KALRN: variants seen among roughly 807,000 people sequenced by gnomAD.
The protein encoded by KALRN is kalirin.
In KALRN, 70 loss-of-function variants were observed where a neutral mutation model predicts 353.7. That is an observed-to-expected ratio of 0.20 (90% CI 0.16 to 0.24). KALRN has a LOEUF of 0.24. Ranked by LOEUF, KALRN falls within the 10% of genes least tolerant of loss-of-function variation. The pLI, the probability that KALRN is intolerant of heterozygous loss-of-function variation, is 1.00. For synonymous variants in KALRN, 1,391 were observed against 1,434.8 expected (o/e 0.97, Z 0.69); for missense variants, 2,791 against 3,756.7 (o/e 0.74, Z 6.72).
intron 13 of KALRN, among the ~76,000 whole-genome samples, chr3:124,403,913 T>C (rs1251267510): frequency 2.0e-5 from 3 of 152,124 alleles, no homozygotes; most frequent in African/African-American, 7.2e-5. Flanking sequence ...GGCAGATGCT[T>C]AGCCCAGTCA....
chr3:124,264,699 G>C lies in KALRN; in HGVS notation c.456+9G>C, dbSNP rs183508128. 6.2e-7 allele frequency: 1 copy of C among 1,612,198 alleles called. No individual in the cohort carries two copies. The highest frequency in any genetic ancestry group is 8.5e-7 in the Non-Finnish European group (1 of 1,178,246). On this transcript the variant is annotated intron_variant, in intron 4 of 59. Coordinates refer to ENST00000682506, the MANE Select transcript of KALRN (RefSeq NM_001388419.1). Reference sequence around the variant, plus strand: ...CCAAATTCATCTTTGAGGTGAGCCAGATTTCTCTCTCTTAGCATCTTCTTT... The same window carrying C: ...CCAAATTCATCTTTGAGGTGAGCCACATTTCTCTCTCTTAGCATCTTCTTT...
intron 27 of KALRN, among the ~76,000 whole-genome samples, chr3:124,480,225 G>A (rs1273824052): frequency 6.6e-6 from 1 of 152,204 alleles, no homozygotes; most frequent in African/African-American, 2.4e-5. Context: ...TCAGTTGCCT[G>A]AAGAGAGTCA....
chr3:124,491,066 G>A (rs41264655), intron 30 of KALRN, among the ~76,000 whole-genome samples, 182 bp downstream of exon 30: 17,295 of 152,146 alleles, frequency 0.11, 1,188 homozygotes, highest in Non-Finnish European at 0.16. Flanking sequence ...GCATTGTAGA[G>A]TTCACAGTTC....
chr3:124,682,861 GA>G (rs1011966324), intron 51 of KALRN, among the ~76,000 whole-genome samples: 27 of 152,112 alleles, frequency 1.8e-4, no homozygotes, highest in Non-Finnish European at 1.5e-4. Flanking sequence ...CCCTGCTTGT[GA>G]ATGTTTTCAA....
chr3:124,415,969 G>A (rs943214494), intron 14 of KALRN, among the ~76,000 whole-genome samples: 2 of 152,190 alleles, frequency 1.3e-5, no homozygotes, highest in Non-Finnish European at 2.9e-5. Context: ...AGGGAAGTAG[G>A]GGAAACTGTA....
rs146706912 is a variant in KALRN at position 124,298,866 on chromosome 3, G to A, written c.1045G>A (p.Ala349Thr). The A allele has an allele frequency of 5.9e-4, 957 of 1,614,174 alleles. 1 individual carries two copies. The highest frequency in any genetic ancestry group is 7.6e-4 in the Non-Finnish European group (891 of 1,180,012). ...HTEIGVSYQY[A>T]LDLQTQHNHF... ...GGAGATCGGAGTCAGCTACCAGTACGCCCTTGACCTCCAGACGCAGCACAA... is the reference window on the plus strand; with the variant it reads ...GGAGATCGGAGTCAGCTACCAGTACACCCTTGACCTCCAGACGCAGCACAA... The change falls in exon 6 of 60, where the codon GCC (alanine) becomes ACC (threonine). Residue 349 changes from alanine (A) to threonine (T), a missense_variant. Transcript: ENST00000682506.
intron 56 of KALRN, among the ~76,000 whole-genome samples, chr3:124,700,239 A>T (rs1159238702): frequency 1.3e-5 from 2 of 152,242 alleles, no homozygotes; most frequent in Non-Finnish European, 2.9e-5. Context: ...TGCACCTGCC[A>T]AGTTCCCTGG....
intron 28 of KALRN, among the ~76,000 whole-genome samples, chr3:124,486,705 T>C (rs369558678): frequency 7.9e-5 from 12 of 152,206 alleles, no homozygotes; most frequent in African/African-American, 2.9e-4. Context: ...GGACCACCAG[T>C]GCAGCTCCAA....
At chr3:124,268,504 G>T in intron 4 of KALRN, 1 of 545,322 alleles carries the variant, frequency 1.8e-6, no homozygotes, top group Non-Finnish European at 3.3e-6. Flanking sequence ...GTTCTTCTGG[G>T]GTGGTAAATG....
At chr3:124,653,057 T>C (rs2083594601) in intron 38 of KALRN, among the ~76,000 whole-genome samples, 1 of 152,208 alleles carries the variant, frequency 6.6e-6, no homozygotes, top group Non-Finnish European at 1.5e-5. Flanking sequence ...ATCTTGAAAA[T>C]GCAGCTGTTA....
intron 1 of KALRN, among the ~76,000 whole-genome samples, chr3:124,076,194 A>G (rs993181851): frequency 6.6e-5 from 10 of 152,200 alleles, no homozygotes; most frequent in African/African-American, 2.4e-5. Context: ...GATATTTAGA[A>G]TATCTATCTG....
intron 11 of KALRN, among the ~76,000 whole-genome samples, chr3:124,385,238 C>T (rs2088052199): frequency 6.6e-6 from 1 of 152,130 alleles, no homozygotes; most frequent in African/African-American, 2.4e-5. Flanking sequence ...CCTATAATAT[C>T]TAGTGAGGAA....
intron 6 of KALRN, among the ~76,000 whole-genome samples, chr3:124,304,088 G>A (rs1419533202): frequency 2.0e-5 from 3 of 150,068 alleles, no homozygotes; most frequent in Non-Finnish European, 4.4e-5. Flanking sequence ...CAAACAGGCA[G>A]CATTTTTTAG....
At chr3:124,626,701 G>A (rs1224106651) in intron 34 of KALRN, among the ~76,000 whole-genome samples, 2 of 152,282 alleles carry the variant, frequency 1.3e-5, no homozygotes, top group South Asian at 2.1e-4. Flanking sequence ...CCTAGATGCT[G>A]GTACTAGTTT....
intron 13 of KALRN, among the ~76,000 whole-genome samples, chr3:124,399,574 G>C (rs558841372): frequency 6.6e-6 from 1 of 152,306 alleles, no homozygotes; most frequent in South Asian, 2.1e-4. Context: ...GTTAAAATTA[G>C]GTGGCCTCCT....
chr3:124,270,026 GAGAAT>G (rs1560418574), intron 5 of KALRN, among the ~76,000 whole-genome samples: 3 of 152,226 alleles, frequency 2.0e-5, no homozygotes, highest in Non-Finnish European at 4.4e-5. Flanking sequence ...AGTAAGATAA[GAGAAT>G]GTAAAAAAGG....
intron 1 of KALRN, among the ~76,000 whole-genome samples, chr3:124,078,138 C>T (rs1415849143): frequency 6.6e-6 from 1 of 152,178 alleles, no homozygotes; most frequent in African/African-American, 2.4e-5. Context: ...GCCTTTGCTC[C>T]TGTTTTTCCA....
At chr3:124,266,426 T>G (rs1193491155) in intron 4 of KALRN, among the ~76,000 whole-genome samples, 2 of 152,222 alleles carry the variant, frequency 1.3e-5, no homozygotes, top group Non-Finnish European at 2.9e-5. Context: ...AAGGAAAACA[T>G]GTTTTTAAAC....
intron 1 of KALRN, among the ~76,000 whole-genome samples, chr3:124,134,686 A>C (rs2065718854): frequency 6.6e-6 from 1 of 152,232 alleles, no homozygotes; most frequent in South Asian, 2.1e-4. Flanking sequence ...TAAGAAAAAA[A>C]CAAACAATTA....
Sources: gnomAD v4.1 joint callset for allele counts (sites outside exome capture counted in the v4.1 genomes callset) on GRCh38, gnomAD v4.1.1 for gene constraint, MANE v1.5 for transcripts, NCBI Gene and HGNC (gene_info 2026-07-23, HGNC 2026-07-21) for gene names.